The following IL33 variants were observed in gnomAD, a reference collection of about 807,000 sequenced individuals.
IL33 encodes interleukin 33, also known as interleukin-33.
IL33 carries 37 observed loss-of-function variants against 27.3 expected under a neutral mutation model. The ratio of observed to expected loss-of-function variants is 1.36; its 90% CI spans 1.04 to 1.78. The LOEUF is 1.78. Ranked by LOEUF, IL33 falls within the 40% of genes most tolerant of loss-of-function variation. IL33 has a pLI of 0.00. For synonymous variants in IL33, 132 were observed against 102.9 expected (o/e 1.28, Z -1.71); for missense variants, 406 against 311.4 (o/e 1.30, Z -2.29).
At chr9:6,245,346 A>G (rs1819773068) in intron 2 of IL33, among the ~76,000 whole-genome samples, 1 of 152,268 alleles carries the variant, frequency 6.6e-6, no homozygotes, top group Non-Finnish European at 1.5e-5. Context: ...CATATCTTGC[A>G]TGGCAATAGT....
intron 4 of IL33, among the ~76,000 whole-genome samples, chr9:6,252,018 C>CA (rs1816391113): frequency 7.3e-6 from 1 of 136,670 alleles, no homozygotes; most frequent in African/African-American, 2.8e-5. Context: ...GCCTGGGCAA[C>CA]AAGAGCGGCT....
intron 1 of IL33, among the ~76,000 whole-genome samples, chr9:6,222,670 G>A (rs1253169371): frequency 1.3e-5 from 2 of 152,170 alleles, no homozygotes; most frequent in African/African-American, 4.8e-5. Context: ...TAGTCAAATT[G>A]TCACAATTTA....
intron 7 of IL33, 119 bp from the exon 8 acceptor site, chr9:6,255,849 G>C (rs907041628): frequency 2.6e-6 from 2 of 779,036 alleles, no homozygotes; most frequent in African/African-American, 3.5e-5. Context: ...CACTAAGCAA[G>C]CTTGCTAGAA....
At chr9:6,221,735 C>T (rs1018680362) in intron 1 of IL33, among the ~76,000 whole-genome samples, 4 of 152,002 alleles carry the variant, frequency 2.6e-5, no homozygotes, top group African/African-American at 4.8e-5. Context: ...AATGGCAGTT[C>T]GCTGTACATA....
At chr9:6,251,015 T>C (rs1453779255) in intron 3 of IL33, 125 bp from the exon 4 acceptor site, 13 of 1,257,560 alleles carry the variant, frequency 1.0e-5, no homozygotes, top group Admixed American at 2.4e-5. Context: ...CTTTGGACCA[T>C]GAAGTGGCCA....
Position 6,239,555 on chromosome 9 carries a change from T to C in IL33, c.-11-2129T>C, listed in dbSNP as rs553693007. ...TACCCCCTCCCCACTAGCTCATTTA[T>C]AAAAACCCTTGTATTCCACTATAGA... On this transcript the variant is annotated intron_variant, in intron 1 of 7. Coordinates refer to ENST00000682010, the MANE Select transcript of IL33 (RefSeq NM_033439.4). Among the ~76,000 whole-genome samples, 3 of 152,268 alleles carry C rather than the reference T, an allele frequency of 2.0e-5. No homozygotes were observed. In the East Asian group the frequency reaches 5.8e-4, roughly 29 times the overall value.
At chr9:6,236,349 C>A (rs956577942) in intron 1 of IL33, among the ~76,000 whole-genome samples, 5 of 152,258 alleles carry the variant, frequency 3.3e-5, no homozygotes, top group African/African-American at 1.2e-4. Context: ...GGATCTACCA[C>A]GCATACACTT....
At position 6,256,481 on chromosome 9, in the gene IL33, A is replaced by T. The variant is rs1391569072; in HGVS notation, c.*313A>T. 1 of 424,246 alleles carries T rather than the reference A, an allele frequency of 2.4e-6. No homozygotes were observed. Among genetic ancestry groups the T allele is most frequent in the Non-Finnish European group, 4.2e-6 (1 of 240,612 alleles). 26.3% of individuals were successfully genotyped at this position (424,246 alleles called of 1,614,324 possible). On this transcript the variant is annotated 3_prime_UTR_variant, in exon 8 of 8. Coordinates refer to ENST00000682010, the MANE Select transcript of IL33 (RefSeq NM_033439.4). Reference sequence around the variant, plus strand: ...CTAGTTTCAGTCCAGAAAGAACTTCATATTTAGAGCTAAGGCCACTGAGGA... The same window carrying T: ...CTAGTTTCAGTCCAGAAAGAACTTCTTATTTAGAGCTAAGGCCACTGAGGA...
rs200883197 is a variant in IL33, at chr9:6,250,524, C to T, written c.142C>T (p.Arg48Cys). The T allele has an allele frequency of 3.0e-5, 48 of 1,613,824 alleles. No individual in the cohort carries two copies. The Middle Eastern group carries it at 9.9e-4, about 33-fold the overall frequency. Residue 48 changes from arginine (R) to cysteine (C), a missense_variant, in exon 3 of 8, where the codon CGC becomes TGC. Physicochemically the swap from Arg to Cys is radical, Grantham distance 180. Transcript: ENST00000682010. ...TTGCCCCATGTACTTTATGAAGCTC[C>T]GCTCTGGCCTTATGATAAAAAAGGA... ...EVCPMYFMKL[R>C]SGLMIKKEAC...
At chr9:6,248,284 C>T (rs1312340201) in intron 2 of IL33, among the ~76,000 whole-genome samples, 19 of 139,498 alleles carry the variant, frequency 1.4e-4, no homozygotes, top group Non-Finnish European at 2.7e-4. Flanking sequence ...CTCGCTCTGT[C>T]GCCAGACTGG....
rs1429749672 is a variant in IL33 at position 6,257,477 on chromosome 9, A to T, written c.*1309A>T. On this transcript the variant is annotated 3_prime_UTR_variant, in exon 8 of 8. Coordinates refer to ENST00000682010, the MANE Select transcript of IL33 (RefSeq NM_033439.4). ...TATTAATGGCAATATTTTTTTGCTA[A>T]ACGTTTTTGTTTTTTACTGTCACTA... 6.6e-6 allele frequency: 1 copy of T among 152,568 alleles called. No homozygotes were observed. The highest frequency in any genetic ancestry group is 2.4e-5 in the African/African-American group (1 of 41,436). The allele number at this position is 152,568 out of a possible 1,614,324, so 9.5% of individuals were successfully genotyped here.
intron 1 of IL33, among the ~76,000 whole-genome samples, chr9:6,225,523 G>C (rs938103184): frequency 6.6e-6 from 1 of 152,098 alleles, no homozygotes; most frequent in African/African-American, 2.4e-5. Flanking sequence ...GTAAAATAAG[G>C]AGTTTTAGGC....
intron 1 of IL33, among the ~76,000 whole-genome samples, chr9:6,235,417 T>C (rs1310917925): frequency 6.6e-6 from 1 of 152,174 alleles, no homozygotes; most frequent in Non-Finnish European, 1.5e-5. Flanking sequence ...AACATTAAAG[T>C]TTTAGATAAT....
At chr9:6,253,670 A>C (rs957924110) in intron 6 of IL33, 68 bp downstream of exon 6, 23 of 1,301,164 alleles carry the variant, frequency 1.8e-5, no homozygotes, top group Non-Finnish European at 2.4e-5. Flanking sequence ...AAATCCAAAA[A>C]AATCCTTTTT....
At chr9:6,254,655 A>G (rs1816621933) in intron 7 of IL33, 102 bp downstream of exon 7, 3 of 586,232 alleles carry the variant, frequency 5.1e-6, no homozygotes, top group Non-Finnish European at 8.1e-6. Context: ...TATTTTGCAG[A>G]AGGATTTTTT....
chr9:6,234,651 C>G (rs533728281), intron 1 of IL33, among the ~76,000 whole-genome samples: 49 of 152,200 alleles, frequency 3.2e-4, no homozygotes, highest in Non-Finnish European at 4.3e-4. Flanking sequence ...ACTCATCATT[C>G]CATCCCCTCC....
intron 1 of IL33, among the ~76,000 whole-genome samples, chr9:6,231,306 C>T (rs1244965329): frequency 6.6e-6 from 1 of 152,176 alleles, no homozygotes; most frequent in Non-Finnish European, 1.5e-5. Context: ...AAGCTTCTGT[C>T]CCCTTCTCTC....
intron 1 of IL33, among the ~76,000 whole-genome samples, chr9:6,231,354 T>A (rs1333841519): frequency 6.6e-6 from 1 of 152,142 alleles, no homozygotes; most frequent in African/African-American, 2.4e-5. Context: ...CATTGCCCGC[T>A]CTGCTCCAGC....
chr9:6,231,165 T>C (rs1196749454), intron 1 of IL33, among the ~76,000 whole-genome samples: 2 of 152,212 alleles, frequency 1.3e-5, no homozygotes, highest in Non-Finnish European at 2.9e-5. Flanking sequence ...TCTCACATGA[T>C]AGTCACAGCA....
Sources: gnomAD v4.1 joint callset for allele counts (sites outside exome capture counted in the v4.1 genomes callset) on GRCh38, gnomAD v4.1.1 for gene constraint, MANE v1.5 for transcripts, NCBI Gene and HGNC (gene_info 2026-07-23, HGNC 2026-07-21) for gene names.